FUBP1: variants seen among roughly 807,000 people sequenced by gnomAD.
The protein encoded by FUBP1 is far upstream element binding protein 1, also known as far upstream element-binding protein 1.
Under a neutral mutation model 94.9 loss-of-function variants are expected in FUBP1, and 16 were observed. The observed-to-expected ratio is 0.17, with a 90% confidence interval of 0.11 to 0.26. The LOEUF (loss-of-function observed/expected upper bound fraction) is 0.26, where lower values mean the gene tolerates loss of function less well. Ranked by LOEUF, FUBP1 falls within the 10% of genes least tolerant of loss-of-function variation. The pLI, the probability that FUBP1 is intolerant of heterozygous loss-of-function variation, is 1.00. For missense variants in FUBP1, 583 were observed against 808.6 expected, an observed-to-expected ratio of 0.72 and a Z score of 3.38; for synonymous variants, 279 against 254.9, an observed-to-expected ratio of 1.09 and a Z score of -0.90.
Position 77,944,277 on chromosome 1 carries a change from G to C in FUBP1, c.*4489C>G. 1 of 199,912 alleles carries C rather than the reference G, an allele frequency of 5.0e-6. No homozygotes were observed. The highest frequency in any genetic ancestry group is 7.7e-5 in the East Asian group (1 of 13,064). The allele number at this position is 199,912 out of a possible 1,614,324, so 12.4% of individuals were successfully genotyped here. The stretch of plus-strand genomic sequence containing the variant: ...TTTACACACGGGTAGTTTCTGTAGA[G>C]AACATTTTTCTCAGGACGAAAATGC... On this transcript the variant is annotated 3_prime_UTR_variant, in exon 20 of 20. Transcript: ENST00000370768.
chr1:77,970,188 G>A (rs1306809866), intron 1 of FUBP1, among the ~76,000 whole-genome samples, 173 bp from the exon 2 acceptor site: 1 of 151,974 alleles, frequency 6.6e-6, no homozygotes, highest in East Asian at 1.9e-4. Flanking sequence ...AATACTTCAG[G>A]CAGTTAACAT....
intron 14 of FUBP1, chr1:77,960,775 G>C (rs1177392351): frequency 3.3e-6 from 1 of 304,228 alleles, no homozygotes; most frequent in African/African-American, 2.2e-5. Flanking sequence ...TTTGCGGACA[G>C]CAGTAGTTCC....
Position 77,965,123 on chromosome 1 carries a change from A to G in FUBP1, c.582T>C (p.Ala194=). The change falls in exon 8 of 20, where the codon GCT becomes GCC. Residue 194 remains alanine (A), a synonymous_variant. Coordinates refer to ENST00000370768, the MANE Select transcript of FUBP1 (RefSeq NM_003902.5). The stretch of plus-strand genomic sequence containing the variant: ...TTCCAATGACTAATCCTGCCTTGCT[A>G]GCTGGAATCATGATTTCTTGAACTG... The part of the protein sequence containing the change: ...GNAVQEIMIP[A]SKAGLVIGKG... 6.2e-7 allele frequency: 1 copy of G among 1,612,442 alleles called. No homozygotes were observed. Among genetic ancestry groups the G allele is most frequent in the Non-Finnish European group, 8.5e-7 (1 of 1,178,476 alleles).
chr1:77,970,113 T>A (rs369820522), intron 1 of FUBP1, 98 bp from the exon 2 acceptor site: 11 of 513,410 alleles, frequency 2.1e-5, no homozygotes, highest in Middle Eastern at 4.4e-4. Flanking sequence ...ATGTGAAATA[T>A]TTAGTATCAC....
At chr1:77,962,985 A>G in intron 13 of FUBP1, 55 bp from the exon 14 acceptor site, 1 of 1,243,644 alleles carries the variant, frequency 8.0e-7, no homozygotes. Context: ...ACTAGGAGCT[A>G]TTTAGAAGAA....
chr1:77,965,411 G>A (rs1421237793), intron 7 of FUBP1, among the ~76,000 whole-genome samples, 180 bp from the exon 8 acceptor site: 1 of 152,120 alleles, frequency 6.6e-6, no homozygotes, highest in East Asian at 1.9e-4. Flanking sequence ...AAGGGTCAAA[G>A]ATTGAGAGAT....
chr1:77,977,234 G>T (rs1321884708), intron 1 of FUBP1, among the ~76,000 whole-genome samples: 1 of 152,198 alleles, frequency 6.6e-6, no homozygotes, highest in Non-Finnish European at 1.5e-5. Context: ...AAGGCCGGGC[G>T]CAGCGGCTCA....
intron 7 of FUBP1, among the ~76,000 whole-genome samples, chr1:77,965,466 T>C (rs1450381881): frequency 2.0e-5 from 3 of 152,206 alleles, no homozygotes; most frequent in Non-Finnish European, 4.4e-5. Context: ...TTTTTAAGAA[T>C]AGTCCAAAAT....
chr1:77,963,839 G>A (rs766820676), intron 12 of FUBP1, 124 bp from the exon 13 acceptor site: 64 of 781,710 alleles, frequency 8.2e-5, no homozygotes, highest in Non-Finnish European at 1.3e-4. Context: ...AGATGAACTG[G>A]CCCTAATAAG....
Position 77,965,052 on chromosome 1 carries a change from C to T in FUBP1, c.636+17G>A, listed in dbSNP as rs564116173. ...CAAAACAGATCAAAAGTAGCCATTT[C>T]ACAAAAATAACAATACCTGAAGCTG... is the stretch of plus-strand genomic sequence containing the variant. On this transcript the variant is annotated intron_variant, in intron 8 of 19. Coordinates refer to ENST00000370768, the MANE Select transcript of FUBP1 (RefSeq NM_003902.5). 1.2e-6 allele frequency: 2 copies of T among 1,607,544 alleles called. No individual in the cohort carries two copies. Among genetic ancestry groups the T allele is most frequent in the Middle Eastern group, 1.7e-4 (1 of 6,042 alleles).
intron 1 of FUBP1, among the ~76,000 whole-genome samples, chr1:77,971,061 C>A (rs1351861991): frequency 6.0e-4 from 87 of 143,924 alleles, no homozygotes; most frequent in African/African-American, 1.4e-3. Context: ...AAATAAAAAA[C>A]AAAAAAAAAA....
intron 1 of FUBP1, among the ~76,000 whole-genome samples, chr1:77,976,958 G>A (rs1658715409): frequency 6.6e-6 from 1 of 152,140 alleles, no homozygotes; most frequent in Admixed American, 6.5e-5. Flanking sequence ...TGCGCATGCT[G>A]CTTCTTTTCT....
chr1:77,969,831 A>G, intron 2 of FUBP1, 94 bp downstream of exon 2: 1 of 542,156 alleles, frequency 1.8e-6, no homozygotes, highest in South Asian at 3.6e-5. Context: ...TTATAATAAA[A>G]GTTAATATCT....
chr1:77,959,672 C>T (rs1655098996), intron 16 of FUBP1, among the ~76,000 whole-genome samples: 1 of 152,072 alleles, frequency 6.6e-6, no homozygotes, highest in South Asian at 2.1e-4. Flanking sequence ...GCCTCAAGTA[C>T]AGGCACATAC....
At chr1:77,950,854 C>G (rs1488908002) in intron 18 of FUBP1, among the ~76,000 whole-genome samples, 1 of 151,978 alleles carries the variant, frequency 6.6e-6, no homozygotes, top group African/African-American at 2.4e-5. Context: ...GTCACAGACT[C>G]AAAGCAACTG....
intron 18 of FUBP1, among the ~76,000 whole-genome samples, chr1:77,949,504 C>T (rs184370296): frequency 3.3e-5 from 5 of 150,672 alleles, no homozygotes; most frequent in African/African-American, 1.2e-4. Flanking sequence ...AAGACAAAAG[C>T]ACAGAGGGTC....
At chr1:77,977,975 T>A (rs1202977901) in intron 1 of FUBP1, among the ~76,000 whole-genome samples, 1 of 152,200 alleles carries the variant, frequency 6.6e-6, no homozygotes, top group Non-Finnish European at 1.5e-5. Flanking sequence ...ATCATTAGCT[T>A]AAAACTAGTA....
chr1:77,960,548 A>T lies in FUBP1; in HGVS notation c.1345-53T>A, dbSNP rs558159699. 3 of 1,391,440 alleles carry T rather than the reference A, an allele frequency of 2.2e-6. No homozygotes were observed. The African/African-American group carries it at 4.4e-5, about 20-fold the overall frequency. The allele number at this position is 1,391,440 out of a possible 1,614,324, so 86.2% of individuals were successfully genotyped here. On this transcript the variant is annotated intron_variant, in intron 14 of 19. Coordinates refer to ENST00000370768, the MANE Select transcript of FUBP1 (RefSeq NM_003902.5). ...ATCAGAAAAACACAGTAATGGTTAA[A>T]CAACTCTACGGCCAAATAATCATCC... is the stretch of plus-strand genomic sequence containing the variant.
chr1:77,954,177 T>C (rs1654016641), intron 18 of FUBP1, among the ~76,000 whole-genome samples: 1 of 152,224 alleles, frequency 6.6e-6, no homozygotes, highest in African/African-American at 2.4e-5. Flanking sequence ...GTTAAGTTGA[T>C]TACAGGTCCT....
Sources: allele counts gnomAD v4.1 joint callset (sites outside exome capture counted in the v4.1 genomes callset), GRCh38; gene constraint gnomAD v4.1.1; transcripts MANE v1.5; gene names NCBI Gene and HGNC (gene_info 2026-07-23, HGNC 2026-07-21).